ZNF710: variants seen among roughly 807,000 people sequenced by gnomAD.
The protein encoded by ZNF710 is zinc finger protein 710.
In ZNF710, 13 loss-of-function variants were observed where a neutral mutation model predicts 50.6. The ratio of observed to expected loss-of-function variants is 0.26; its 90% CI spans 0.17 to 0.41. ZNF710 has a LOEUF of 0.41. ZNF710 is among the 10% of genes least tolerant of loss of function. ZNF710 has a pLI of 1.00. For synonymous variants in ZNF710, 383 were observed against 397.0 expected, an observed-to-expected ratio of 0.96 and a Z score of 0.42; for missense variants, 721 against 936.6, an observed-to-expected ratio of 0.77 and a Z score of 3.01.
chr15:90,071,193 A>G (rs901289352), intron 2 of ZNF710, among the ~76,000 whole-genome samples: 2 of 151,798 alleles, frequency 1.3e-5, no homozygotes, highest in Non-Finnish European at 2.9e-5. Context: ...CCCGGGAGGC[A>G]GAGGTTGCAG....
chr15:90,022,148 C>T (rs951161796), intron 1 of ZNF710, among the ~76,000 whole-genome samples: 1 of 151,676 alleles, frequency 6.6e-6, no homozygotes, highest in African/African-American at 2.4e-5. Flanking sequence ...GTGGCCGAGG[C>T]GAGCGAATCA....
In ZNF710 at chr15:90,067,100, C is replaced by A; in HGVS notation, c.-28-10C>A. ...GCCAGCAATATTAACCTTCCCTTCTCCACCCACAGCGATGCCCTCCTAGCT... is the reference window on the plus strand; with the variant it reads ...GCCAGCAATATTAACCTTCCCTTCTACACCCACAGCGATGCCCTCCTAGCT... On this transcript the variant is annotated splice_polypyrimidine_tract_variant and intron_variant, in intron 1 of 4. Transcript: ENST00000268154. The surrounding 1 kb of genome is among the most constrained non-coding windows in gnomAD (Gnocchi z 8.1). The A allele has an allele frequency of 6.4e-7, 1 of 1,550,430 alleles. No individual in the cohort carries two copies. Among genetic ancestry groups the A allele is most frequent in the South Asian group, 1.2e-5 (1 of 82,088 alleles).
chr15:90,043,010 G>T (rs926648205), intron 1 of ZNF710, among the ~76,000 whole-genome samples: 4 of 152,226 alleles, frequency 2.6e-5, no homozygotes, highest in African/African-American at 4.8e-5. Flanking sequence ...TACCCTCCTG[G>T]AGTGAGGGCC....
intron 4 of ZNF710, among the ~76,000 whole-genome samples, chr15:90,079,006 GTGTT>G (rs1289839681): frequency 2.0e-5 from 3 of 152,192 alleles, no homozygotes; most frequent in African/African-American, 2.4e-5. Context: ...CCTACCCTGA[GTGTT>G]TGTCCCTGGA....
At position 90,058,701 on chromosome 15, in the gene ZNF710, TTA is replaced by T. The variant is rs34907426; in HGVS notation, c.-28-8392_-28-8391del. Among the ~76,000 whole-genome samples, 842 of 143,186 alleles carry T rather than the reference TTA, an allele frequency of 5.9e-3. 22 individuals are homozygous for T. The highest frequency in any genetic ancestry group is 0.02 in the African/African-American group (744 of 37,496). 93.9% of individuals were successfully genotyped at this position (143,186 alleles called of 152,430 possible). A position where few individuals can be genotyped will look rare whatever the true frequency, so the allele number is the denominator to read the frequency against. On this transcript the variant is annotated intron_variant, in intron 1 of 4. Coordinates refer to ENST00000268154, the MANE Select transcript of ZNF710 (RefSeq NM_198526.4). Reference sequence around the variant, plus strand: ...AGAACCAGTAGGAGACACTATATATTTATATATATATATATATACACACATAT... The same window carrying T: ...AGAACCAGTAGGAGACACTATATATTTATATATATATATATACACACATAT...
intron 1 of ZNF710, among the ~76,000 whole-genome samples, chr15:90,002,239 G>T (rs1054302367): frequency 1.7e-3 from 260 of 151,870 alleles, no homozygotes; most frequent in African/African-American, 6.0e-3. Flanking sequence ...GGGTGGGGGA[G>T]AGCTGAGCGC....
At chr15:90,055,221 G>A (rs1328473640) in intron 1 of ZNF710, among the ~76,000 whole-genome samples, 1 of 152,190 alleles carries the variant, frequency 6.6e-6, no homozygotes, top group African/African-American at 2.4e-5. Flanking sequence ...CAGGACCTGG[G>A]GTCTAGACCT....
upstream of ZNF710, among the ~76,000 whole-genome samples, chr15:89,999,522 G>A (rs541809946): frequency 6.6e-6 from 1 of 152,326 alleles, no homozygotes; most frequent in Admixed American, 6.5e-5. Flanking sequence ...GTCATTGGGG[G>A]CTCAGGGTGC....
At chr15:90,074,486 A>G (rs775087373) in intron 4 of ZNF710, 196 bp downstream of exon 4, 2 of 1,526,146 alleles carry the variant, frequency 1.3e-6, no homozygotes, top group Non-Finnish European at 1.8e-6. Context: ...TCTTCAAAGG[A>G]CTTAAATGAG....
chr15:90,029,032 A>G (rs1341653446), intron 1 of ZNF710, among the ~76,000 whole-genome samples: 2 of 152,192 alleles, frequency 1.3e-5, no homozygotes, highest in Admixed American at 6.5e-5. Context: ...TATTAATTTT[A>G]TAATGGAAAA....
chr15:90,055,009 A>G lies in ZNF710; in HGVS notation c.-28-12101A>G, dbSNP rs140853586. Among the ~76,000 whole-genome samples, 543 of 152,282 alleles carry G rather than the reference A, an allele frequency of 3.6e-3. 3 individuals are homozygous for G. Among genetic ancestry groups the G allele is most frequent in the African/African-American group, 0.012 (484 of 41,542 alleles). On this transcript the variant is annotated intron_variant, in intron 1 of 4. Transcript: ENST00000268154. ...TCTCGAAAGGGCAACAATTTATTCT[A>G]TCTGTGTACTCTGCTAGGGATGCAG...
rs571978593 is a variant in ZNF710 at position 90,068,313 on chromosome 15, C to T, written c.1176C>T (p.Ser392=). ...HFCGRGFAYP[S]ELKAHEVKHE... The stretch of plus-strand genomic sequence containing the variant: ...GCGGCCGCGGCTTCGCCTACCCCAG[C>T]GAGCTCAAGGCCCACGAAGTGAAGC... The change falls in exon 2 of 5, where the codon AGC becomes AGT. Residue 392 remains serine, a synonymous_variant. Coordinates refer to ENST00000268154, the MANE Select transcript of ZNF710 (RefSeq NM_198526.4). The surrounding 1 kb of genome is among the most constrained non-coding windows in gnomAD (Gnocchi z 5.0). The T allele has an allele frequency of 6.2e-6, 10 of 1,613,002 alleles. No homozygotes were observed. The highest frequency in any genetic ancestry group is 5.0e-5 in the Admixed American group (3 of 60,030).
At position 90,079,684 on chromosome 15, in the gene ZNF710, C is replaced by T; in HGVS notation, c.1850C>T (p.Thr617Ile). ...GACCCCATGATGGAGCTGACAGGCA[C>T]TGACCCTTCAGAGCTCGACGGCCAG... is the stretch of plus-strand genomic sequence containing the variant. ...SQDPMMELTG[T>I]DPSELDGQQE... is the part of the protein sequence containing the mutation. The change falls in exon 5 of 5, where the codon ACT becomes ATT. Residue 617 changes from threonine (T) to isoleucine (I), a missense_variant. By Grantham distance (89) the Thr-to-Ile change is moderately conservative (BLOSUM62 -1). Around this residue, in one of 3 missense-constraint regions of ZNF710, gnomAD observed 69 missense variants for 67.6 expected, o/e 1.02. Coordinates refer to ENST00000268154, the MANE Select transcript of ZNF710 (RefSeq NM_198526.4). 6.2e-7 allele frequency: 1 copy of T among 1,613,966 alleles called. No homozygotes were observed. The highest frequency in any genetic ancestry group is 8.5e-7 in the Non-Finnish European group (1 of 1,179,950).
intron 1 of ZNF710, among the ~76,000 whole-genome samples, chr15:90,014,956 G>C (rs778202943): frequency 6.7e-6 from 1 of 150,026 alleles, no homozygotes; most frequent in Non-Finnish European, 1.5e-5. Flanking sequence ...ACAATGGCGC[G>C]ATCTTGCCTC....
At chr15:90,020,191 C>T (rs1238656824) in intron 1 of ZNF710, among the ~76,000 whole-genome samples, 1 of 152,246 alleles carries the variant, frequency 6.6e-6, no homozygotes, top group East Asian at 1.9e-4. Context: ...TCCTTTTCCG[C>T]TGTCTTCCTC....
At chr15:90,056,732 C>T (rs1376469127) in intron 1 of ZNF710, among the ~76,000 whole-genome samples, 3 of 152,196 alleles carry the variant, frequency 2.0e-5, no homozygotes, top group African/African-American at 4.8e-5. Flanking sequence ...AGATCATAGG[C>T]GGCACATTAC....
intron 1 of ZNF710, among the ~76,000 whole-genome samples, chr15:90,047,082 C>T (rs1031281935): frequency 1.3e-5 from 2 of 152,182 alleles, no homozygotes; most frequent in Non-Finnish European, 2.9e-5. Context: ...CGCACAGCCA[C>T]GCTGGCCTAG....
chr15:90,067,094 C>T lies in ZNF710; in HGVS notation c.-28-16C>T. The T allele has an allele frequency of 6.5e-7, 1 of 1,543,642 alleles. No individual in the cohort carries two copies. The highest frequency in any genetic ancestry group is 2.0e-5 in the Admixed American group (1 of 49,976). ...GAGTGAGCCAGCAATATTAACCTTC[C>T]CTTCTCCACCCACAGCGATGCCCTC... On this transcript the variant is annotated splice_polypyrimidine_tract_variant and intron_variant, in intron 1 of 4. Transcript: ENST00000268154. This position sits in a 1 kb window ranked among gnomAD's most constrained non-coding sequence, Gnocchi z 8.1.
chr15:90,079,981 C>A lies in ZNF710; in HGVS notation c.*152C>A. On this transcript the variant is annotated 3_prime_UTR_variant, in exon 5 of 5. Transcript: ENST00000268154. Reference sequence around the variant, plus strand: ...CCGAGTCATTTGCACCACTAGGGACCTTTAGACCAAATGGAGACTGTACTA... The same window carrying A: ...CCGAGTCATTTGCACCACTAGGGACATTTAGACCAAATGGAGACTGTACTA... 1.4e-6 allele frequency: 1 copy of A among 698,842 alleles called. No homozygotes were observed. Among genetic ancestry groups the A allele is most frequent in the Non-Finnish European group, 2.2e-6 (1 of 454,128 alleles). The allele number at this position is 698,842 out of a possible 1,614,324, so 43.3% of individuals were successfully genotyped here. A position where few individuals can be genotyped will look rare whatever the true frequency, so the allele number is the denominator to read the frequency against.
Sources: gnomAD v4.1 joint callset for allele counts (sites outside exome capture counted in the v4.1 genomes callset) on GRCh38, gnomAD v4.1.1 for gene constraint, gnomAD v4.1.1 regional missense constraint, Gnocchi (gnomAD v3.1) non-coding constraint, MANE v1.5 for transcripts, NCBI Gene and HGNC (gene_info 2026-07-23, HGNC 2026-07-21) for gene names.